SLC17A4: variants seen among roughly 807,000 people sequenced by gnomAD.
The protein encoded by SLC17A4 is solute carrier family 17 member 4.
In SLC17A4, 33 loss-of-function variants were observed where a neutral mutation model predicts 52.5. The observed-to-expected ratio is 0.63, with a 90% confidence interval of 0.48 to 0.84. The LOEUF is 0.84. SLC17A4 is among the 40% of genes least tolerant of loss of function. The pLI, the probability that SLC17A4 is intolerant of heterozygous loss-of-function variation, is 0.00. For missense variants in SLC17A4, 585 were observed against 597.1 expected, an observed-to-expected ratio of 0.98 and a Z score of 0.21; for synonymous variants, 225 against 216.2, an observed-to-expected ratio of 1.04 and a Z score of -0.36.
At chr6:25,777,260 C>A in intron 10 of SLC17A4, 2 of 314,066 alleles carry the variant, frequency 6.4e-6, no homozygotes, top group Non-Finnish European at 1.2e-5. Context: ...GGCGGAATCA[C>A]TGAAAGAAAT....
Position 25,779,236 on chromosome 6 carries a change from T to C in SLC17A4, c.*48T>C. 3 of 1,607,228 alleles carry C rather than the reference T, an allele frequency of 1.9e-6. No individual in the cohort carries two copies. The highest frequency in any genetic ancestry group is 2.6e-6 in the Non-Finnish European group (3 of 1,175,910). On this transcript the variant is annotated 3_prime_UTR_variant, in exon 12 of 12. Transcript: ENST00000377905. Reference sequence around the variant, plus strand: ...TCCTGGTGCTTAGTTCATCATTGTTTTCCCTCACAGACATTTCTCTTTCAT... The same window carrying C: ...TCCTGGTGCTTAGTTCATCATTGTTCTCCCTCACAGACATTTCTCTTTCAT...
intron 1 of SLC17A4, among the ~76,000 whole-genome samples, chr6:25,756,087 C>T (rs1182267081): frequency 6.6e-6 from 1 of 152,140 alleles, no homozygotes; most frequent in East Asian, 1.9e-4. Context: ...CAATCTTGTC[C>T]TTTACAGCCC....
At position 25,779,041 on chromosome 6, in the gene SLC17A4, T is replaced by G. The variant is rs1444308112; in HGVS notation, c.1360-13T>G. 3 of 1,613,352 alleles carry G rather than the reference T, an allele frequency of 1.9e-6. No individual in the cohort carries two copies. Among genetic ancestry groups the G allele is most frequent in the Admixed American group, 3.3e-5 (2 of 59,968 alleles). ...TGGGTGACCGTTAATAACTTGTAATTTTCTGCCTCCAGGATTCAGAGTTTG... is the reference window on the plus strand; with the variant it reads ...TGGGTGACCGTTAATAACTTGTAATGTTCTGCCTCCAGGATTCAGAGTTTG... On this transcript the variant is annotated splice_polypyrimidine_tract_variant and intron_variant, in intron 11 of 11. Coordinates refer to ENST00000377905, the MANE Select transcript of SLC17A4 (RefSeq NM_005495.3).
rs981935690 is a variant in SLC17A4 at position 25,780,097 on chromosome 6, C to T, written c.*909C>T. 1 of 152,204 alleles carries T rather than the reference C, an allele frequency of 6.6e-6. No individual in the cohort carries two copies. The highest frequency in any genetic ancestry group is 1.5e-5 in the Non-Finnish European group (1 of 68,044). 9.4% of individuals were successfully genotyped at this position (152,204 alleles called of 1,614,324 possible). On this transcript the variant is annotated 3_prime_UTR_variant, in exon 12 of 12. Coordinates refer to ENST00000377905, the MANE Select transcript of SLC17A4 (RefSeq NM_005495.3). ...GTATGTAAGACACACACTGCCCTAA[C>T]CTCACTCCAAATGTCTGGAGAAATG...
Position 25,776,663 on chromosome 6 carries a change from A to G in SLC17A4, c.1056A>G (p.Ala352=). The G allele has an allele frequency of 6.2e-7, 1 of 1,613,928 alleles. No individual in the cohort carries two copies. Among genetic ancestry groups the G allele is most frequent in the Non-Finnish European group, 8.5e-7 (1 of 1,179,890 alleles). ...CICIILGGLL[A]DFLLSRKILR... ...GCATTATCCTTGGAGGTCTACTGGCAGACTTTCTTCTCTCCAGAAAAATCC... is the reference window on the plus strand; with the variant it reads ...GCATTATCCTTGGAGGTCTACTGGCGGACTTTCTTCTCTCCAGAAAAATCC... Residue 352 remains alanine, a synonymous_variant, in exon 9 of 12, where the codon GCA becomes GCG. Coordinates refer to ENST00000377905, the MANE Select transcript of SLC17A4 (RefSeq NM_005495.3).
At position 25,762,067 on chromosome 6, in the gene SLC17A4, C is replaced by G. The variant is rs774002710; in HGVS notation, c.91+14C>G. 3 of 1,607,332 alleles carry G rather than the reference C, an allele frequency of 1.9e-6. No homozygotes were observed. The South Asian group carries it at 3.3e-5, about 18-fold the overall frequency. ...GCTCCAGGAAAGGTAAAATCATGCA[C>G]AGTAATCTGGTAGTAAATAAAACTA... On this transcript the variant is annotated intron_variant, in intron 2 of 11. Coordinates refer to ENST00000377905, the MANE Select transcript of SLC17A4 (RefSeq NM_005495.3).
intron 1 of SLC17A4, among the ~76,000 whole-genome samples, chr6:25,759,546 G>A (rs944396676): frequency 1.3e-5 from 2 of 152,144 alleles, no homozygotes; most frequent in African/African-American, 4.8e-5. Context: ...GCTATATAAT[G>A]TCTCTCTTTA....
intron 2 of SLC17A4, chr6:25,768,386 C>G (rs756004032): frequency 4.1e-6 from 4 of 987,246 alleles, no homozygotes; most frequent in Non-Finnish European, 4.8e-6. Flanking sequence ...TATATGGACT[C>G]AACCACAGGG....
chr6:25,773,964 C>T (rs1762694070), intron 8 of SLC17A4, among the ~76,000 whole-genome samples: 1 of 151,896 alleles, frequency 6.6e-6, no homozygotes, highest in Non-Finnish European at 1.5e-5. Flanking sequence ...ATTTTAAGGG[C>T]CCTGTGCAAA....
At chr6:25,771,488 C>A (rs1762476986) in intron 6 of SLC17A4, among the ~76,000 whole-genome samples, 1 of 151,870 alleles carries the variant, frequency 6.6e-6, no homozygotes, top group African/African-American at 2.4e-5. Flanking sequence ...GTGGGAGAAT[C>A]ACTTGAACCC....
chr6:25,760,541 T>A (rs1761442293), intron 1 of SLC17A4, among the ~76,000 whole-genome samples: 1 of 152,208 alleles, frequency 6.6e-6, no homozygotes, highest in Non-Finnish European at 1.5e-5. Context: ...TTCCTATCCG[T>A]TATTTCCTAA....
intron 6 of SLC17A4, among the ~76,000 whole-genome samples, chr6:25,771,274 G>A (rs1762458742): frequency 6.6e-6 from 1 of 152,162 alleles, no homozygotes; most frequent in African/African-American, 2.4e-5. Context: ...CTCATAAAAT[G>A]TTGAAAATAC....
At chr6:25,764,333 C>T (rs1221989108) in intron 2 of SLC17A4, among the ~76,000 whole-genome samples, 1 of 152,176 alleles carries the variant, frequency 6.6e-6, no homozygotes, top group Non-Finnish European at 1.5e-5. Context: ...TATCCTTTCT[C>T]CATATCAAAT....
At position 25,770,005 on chromosome 6, in the gene SLC17A4, C is replaced by A. The variant is rs150968968; in HGVS notation, c.298-62C>A. 1.0e-3 allele frequency: 1,541 copies of A among 1,501,846 alleles called. 5 individuals carry two copies. The highest frequency in any genetic ancestry group is 2.8e-3 in the Middle Eastern group (16 of 5,748). 93.0% of individuals were successfully genotyped at this position (1,501,846 alleles called of 1,614,324 possible). A position where few individuals can be genotyped will look rare whatever the true frequency, so the allele number is the denominator to read the frequency against. ...CCAATTAATTTTTGCCTCTCAAGTCCTCACAATGAAAACTGTCAATCCTTC... is the reference window on the plus strand; with the variant it reads ...CCAATTAATTTTTGCCTCTCAAGTCATCACAATGAAAACTGTCAATCCTTC... On this transcript the variant is annotated intron_variant, in intron 3 of 11. Coordinates refer to ENST00000377905, the MANE Select transcript of SLC17A4 (RefSeq NM_005495.3).
intron 11 of SLC17A4, 66 bp from the exon 12 acceptor site, chr6:25,778,988 G>C: frequency 6.3e-7 from 1 of 1,591,178 alleles, no homozygotes; most frequent in Non-Finnish European, 8.6e-7. Flanking sequence ...CAGAGCCAAA[G>C]CCTTTCTGAA....
In SLC17A4 at chr6:25,773,584, C is replaced by T. The variant is rs778121567; in HGVS notation, c.897C>T (p.Val299=). The T allele has an allele frequency of 1.2e-6, 2 of 1,613,962 alleles. No homozygotes were observed. Among genetic ancestry groups the T allele is most frequent in the Non-Finnish European group, 1.7e-6 (2 of 1,179,900 alleles). The part of the protein sequence containing the change: ...IKSLPLWAIL[V]SYFCEYWLFY... ...CCTTACCACTCTGGGCCATTTTAGT[C>T]TCTTATTTCTGTGAATACTGGCTTT... The change falls in exon 8 of 12, where the codon GTC becomes GTT. Residue 299 remains valine (V), a synonymous_variant. Coordinates refer to ENST00000377905, the MANE Select transcript of SLC17A4 (RefSeq NM_005495.3).
At chr6:25,762,398 G>C (rs1198033106) in intron 2 of SLC17A4, among the ~76,000 whole-genome samples, 2 of 152,164 alleles carry the variant, frequency 1.3e-5, no homozygotes, top group African/African-American at 2.4e-5. Flanking sequence ...CTCTGCTCAT[G>C]TTAAATCCAG....
Position 25,773,394 on chromosome 6 carries a change from G to C in SLC17A4, c.825+1G>C. 6.2e-7 allele frequency: 1 copy of C among 1,613,304 alleles called. No individual in the cohort carries two copies. The highest frequency in any genetic ancestry group is 8.5e-7 in the Non-Finnish European group (1 of 1,179,360). On this transcript the variant is annotated splice_donor_variant, in intron 7 of 11. Transcript: ENST00000377905. LOFTEE classifies it high-confidence loss of function. ...CATTGTGTGTTCATTGGCTCAGCAGGTACATTGAGGAACTCCTCTGACATT... is the reference window on the plus strand; with the variant it reads ...CATTGTGTGTTCATTGGCTCAGCAGCTACATTGAGGAACTCCTCTGACATT...
chr6:25,761,891 C>A, intron 1 of SLC17A4, 36 bp from the exon 2 acceptor site: 3 of 1,245,158 alleles, frequency 2.4e-6, no homozygotes, highest in Admixed American at 3.8e-5. Flanking sequence ...ATATAAGATT[C>A]TCCCTGTATT....
Sources: gnomAD v4.1 joint callset for allele counts (sites outside exome capture counted in the v4.1 genomes callset) on GRCh38, gnomAD v4.1.1 for gene constraint, MANE v1.5 for transcripts, NCBI Gene and HGNC (gene_info 2026-07-23, HGNC 2026-07-21) for gene names.